The following MYCT1 variants were observed in gnomAD, a reference collection of about 807,000 sequenced individuals.
The protein encoded by MYCT1 is myc target protein 1.
MYCT1 carries 12 observed loss-of-function variants against 15.0 expected under a neutral mutation model. That is an observed-to-expected ratio of 0.80 (90% CI 0.51 to 1.29). The LOEUF (loss-of-function observed/expected upper bound fraction) is 1.29. Ranked by LOEUF, MYCT1 falls within the 50% of genes most tolerant of loss-of-function variation. The probability of loss-of-function intolerance (pLI) is 0.00; values close to 1 mark genes in which losing one functional copy is unlikely to be tolerated. For synonymous variants in MYCT1, 104 were observed against 102.7 expected, an observed-to-expected ratio of 1.01 and a Z score of -0.07; for missense variants, 287 against 279.1, an observed-to-expected ratio of 1.03 and a Z score of -0.20.
At chr6:152,726,551 C>T (rs1188106358), downstream of MYCT1, among the ~76,000 whole-genome samples, 2 of 152,254 alleles carry the variant, frequency 1.3e-5, no homozygotes, top group East Asian at 1.9e-4. Context: ...AATCACAGTT[C>T]GGTGTGTAGA....
intron 1 of MYCT1, among the ~76,000 whole-genome samples, chr6:152,717,891 AC>A (rs1399799840): frequency 1.3e-5 from 2 of 152,060 alleles, no homozygotes; most frequent in African/African-American, 4.8e-5. Flanking sequence ...TTTCCGTTGC[AC>A]CCCCATCTTA....
chr6:152,717,913 T>C (rs1350144239), intron 1 of MYCT1, among the ~76,000 whole-genome samples: 3 of 152,194 alleles, frequency 2.0e-5, no homozygotes, highest in Non-Finnish European at 4.4e-5. Flanking sequence ...TCCTACTTTA[T>C]ATTCATTCAA....
At chr6:152,717,860 A>AT (rs559811191) in intron 1 of MYCT1, among the ~76,000 whole-genome samples, 7 of 152,146 alleles carry the variant, frequency 4.6e-5, no homozygotes, top group African/African-American at 1.2e-4. Flanking sequence ...ATCAAAAGCA[A>AT]TTTTTTTGTA....
chr6:152,744,860 C>T, the MYCT1 span, among the ~76,000 whole-genome samples: 3 of 152,234 alleles, frequency 2.0e-5, no homozygotes, highest in East Asian at 1.9e-4. Context: ...GAGCCTGTGG[C>T]GTCAGATCTC....
At chr6:152,727,435 G>GAC (rs1222974846), downstream of MYCT1, among the ~76,000 whole-genome samples, 3 of 152,152 alleles carry the variant, frequency 2.0e-5, no homozygotes, top group Admixed American at 6.5e-5. Flanking sequence ...CTTTGTTGTG[G>GAC]TAAAATTCTG....
the MYCT1 span, among the ~76,000 whole-genome samples, chr6:152,735,155 A>C: frequency 6.6e-6 from 1 of 152,198 alleles, no homozygotes; most frequent in Admixed American, 6.5e-5. Flanking sequence ...TTAGGATATC[A>C]TCCAGTTTTT....
At chr6:152,719,135 C>A (rs1483538483) in intron 1 of MYCT1, among the ~76,000 whole-genome samples, 1 of 152,100 alleles carries the variant, frequency 6.6e-6, no homozygotes, top group Non-Finnish European at 1.5e-5. Flanking sequence ...AGCTGAAACT[C>A]CATTTCTATG....
the MYCT1 span, among the ~76,000 whole-genome samples, chr6:152,735,502 T>C: frequency 1.3e-5 from 2 of 152,138 alleles, no homozygotes; most frequent in African/African-American, 2.4e-5. Flanking sequence ...TGTCACTACA[T>C]TTATATTAAA....
At chr6:152,714,650 A>C (rs535559109) in intron 1 of MYCT1, among the ~76,000 whole-genome samples, 3 of 151,724 alleles carry the variant, frequency 2.0e-5, no homozygotes, top group Non-Finnish European at 4.4e-5. Flanking sequence ...TAAACACATT[A>C]ATCAAGTTAT....
rs1010990693 is a variant in MYCT1 at position 152,724,531 on chromosome 6, T to C, written c.*2278T>C. On this transcript the variant is annotated 3_prime_UTR_variant, in exon 2 of 2. Transcript: ENST00000367245. ...TTTAATGTATTTCTTTAATTTGAAATGTTTTGTGGATTGTGAAATAAAAAT... is the reference window on the plus strand; with the variant it reads ...TTTAATGTATTTCTTTAATTTGAAACGTTTTGTGGATTGTGAAATAAAAAT... 3 of 152,162 alleles carry C rather than the reference T, an allele frequency of 2.0e-5. No homozygotes were observed. The highest frequency in any genetic ancestry group is 7.2e-5 in the African/African-American group (3 of 41,450). 9.4% of individuals were successfully genotyped at this position (152,162 alleles called of 1,614,324 possible). A position where few individuals can be genotyped will look rare whatever the true frequency, so the allele number is the denominator to read the frequency against.
At chr6:152,713,612 C>T (rs192684818) in intron 1 of MYCT1, among the ~76,000 whole-genome samples, 6 of 152,216 alleles carry the variant, frequency 3.9e-5, no homozygotes, top group Admixed American at 3.3e-4. Context: ...TGGGCAGCAG[C>T]TTAAATCTCA....
chr6:152,700,025 G>C (rs962318386), intron 1 of MYCT1, among the ~76,000 whole-genome samples: 12 of 152,060 alleles, frequency 7.9e-5, no homozygotes, highest in African/African-American at 2.9e-4. Context: ...TGGAAACATG[G>C]AGAGCAGATA....
downstream of MYCT1, among the ~76,000 whole-genome samples, chr6:152,727,611 AAGTGCACT>A (rs1383084223): frequency 6.6e-6 from 1 of 152,240 alleles, no homozygotes; most frequent in Non-Finnish European, 1.5e-5. Context: ...ACGGCCATGC[AAGTGCACT>A]AGCATATGTG....
chr6:152,725,862 G>A (rs1207063194), downstream of MYCT1, among the ~76,000 whole-genome samples: 3 of 152,092 alleles, frequency 2.0e-5, no homozygotes, highest in Non-Finnish European at 2.9e-5. Context: ...AGAGCATTCC[G>A]TATCAGATGT....
the MYCT1 span, among the ~76,000 whole-genome samples, chr6:152,743,429 A>G: frequency 6.6e-6 from 1 of 152,182 alleles, no homozygotes; most frequent in South Asian, 2.1e-4. Flanking sequence ...GTGTGGACCT[A>G]GGAAGCGACT....
Position 152,724,557 on chromosome 6 carries a change from A to G in MYCT1, c.*2304A>G, listed in dbSNP as rs902692304. Reference sequence around the variant, plus strand: ...GTTTTGTGGATTGTGAAATAAAAATAAATTTATGTCAAGTTTTATTCAAAA... The same window carrying G: ...GTTTTGTGGATTGTGAAATAAAAATGAATTTATGTCAAGTTTTATTCAAAA... On this transcript the variant is annotated 3_prime_UTR_variant, in exon 2 of 2. Coordinates refer to ENST00000367245, the MANE Select transcript of MYCT1 (RefSeq NM_025107.3). 1 of 152,174 alleles carries G rather than the reference A, an allele frequency of 6.6e-6. No homozygotes were observed. Among genetic ancestry groups the G allele is most frequent in the African/African-American group, 2.4e-5 (1 of 41,416 alleles). The allele number at this position is 152,174 out of a possible 1,614,324, so 9.4% of individuals were successfully genotyped here. A position where few individuals can be genotyped will look rare whatever the true frequency, so the allele number is the denominator to read the frequency against.
At chr6:152,704,155 C>T (rs1443037440) in intron 1 of MYCT1, among the ~76,000 whole-genome samples, 1 of 151,820 alleles carries the variant, frequency 6.6e-6, no homozygotes, top group Non-Finnish European at 1.5e-5. Flanking sequence ...TGTCACCGCA[C>T]CAGGCTAATT....
chr6:152,701,160 AG>A (rs1406709159), intron 1 of MYCT1, among the ~76,000 whole-genome samples: 2 of 152,134 alleles, frequency 1.3e-5, no homozygotes, highest in Non-Finnish European at 2.9e-5. Context: ...GATAATTCTA[AG>A]AAGGACATTC....
At chr6:152,701,878 G>A (rs142204759) in intron 1 of MYCT1, among the ~76,000 whole-genome samples, 2,344 of 152,174 alleles carry the variant, frequency 0.015, 21 homozygotes, top group Middle Eastern at 0.027. Flanking sequence ...ATATTGTCCC[G>A]TAACCCTAGA....
Sources: gnomAD v4.1 joint callset for allele counts (sites outside exome capture counted in the v4.1 genomes callset) on GRCh38, gnomAD v4.1.1 for gene constraint, MANE v1.5 for transcripts, NCBI Gene and HGNC (gene_info 2026-07-23, HGNC 2026-07-21) for gene names.